Variants in MYO3B observed in about 807,000 individuals in gnomAD.
The protein encoded by MYO3B is myosin-IIIb.
Under a neutral mutation model 174.6 loss-of-function variants are expected in MYO3B, and 156 were observed. The observed-to-expected ratio is 0.89, with a 90% CI of 0.78 to 1.02. MYO3B has a LOEUF of 1.02. Ranked by LOEUF, MYO3B falls within the 50% of genes least tolerant of loss-of-function variation. The pLI is 0.00. For synonymous variants in MYO3B, 563 were observed against 569.1 expected (o/e 0.99, Z 0.15); for missense variants, 1,632 against 1,639.4 (o/e 1.00, Z 0.08).
intron 7 of MYO3B, among the ~76,000 whole-genome samples, chr2:170,248,541 G>GT (rs2093217054): frequency 6.6e-6 from 1 of 152,210 alleles, no homozygotes; most frequent in African/African-American, 2.4e-5. Flanking sequence ...TCACAGGGCT[G>GT]TGTTCCTTTC....
chr2:170,570,263 A>G (rs1692351513), intron 32 of MYO3B, among the ~76,000 whole-genome samples: 1 of 152,226 alleles, frequency 6.6e-6, no homozygotes, highest in Non-Finnish European at 1.5e-5. Context: ...TAAGTAAGGA[A>G]ATGATGTTTA....
intron 7 of MYO3B, among the ~76,000 whole-genome samples, chr2:170,255,187 C>T (rs925313514): frequency 2.3e-4 from 35 of 152,312 alleles, no homozygotes; most frequent in Non-Finnish European, 4.7e-4. Flanking sequence ...GTGACCTAAC[C>T]TTTGGCTTGA....
intron 5 of MYO3B, 97 bp downstream of exon 5, chr2:170,214,925 C>T: frequency 1.1e-6 from 1 of 917,186 alleles, no homozygotes; most frequent in East Asian, 2.5e-5. Flanking sequence ...CTCTGCTACA[C>T]CATAGGCTGA....
intron 25 of MYO3B, among the ~76,000 whole-genome samples, chr2:170,491,434 C>CT (rs940885611): frequency 2.5e-4 from 36 of 145,988 alleles, no homozygotes; most frequent in Non-Finnish European, 5.4e-4. Flanking sequence ...AATTAATTAA[C>CT]TTTTTTTTTA....
At chr2:170,202,672 C>T (rs139219564) in intron 3 of MYO3B, among the ~76,000 whole-genome samples, 60 of 152,314 alleles carry the variant, frequency 3.9e-4, no homozygotes, top group African/African-American at 1.3e-3. Flanking sequence ...TCACTGGGAT[C>T]GTAGCACTTC....
chr2:170,527,672 T>C (rs559015985), intron 30 of MYO3B, among the ~76,000 whole-genome samples: 39 of 152,340 alleles, frequency 2.6e-4, no homozygotes, highest in African/African-American at 9.4e-4. Context: ...AAACTGCCTC[T>C]GTTCTGGCCC....
At chr2:170,473,336 C>T (rs1216849662) in intron 25 of MYO3B, among the ~76,000 whole-genome samples, 5 of 151,558 alleles carry the variant, frequency 3.3e-5, no homozygotes, top group Admixed American at 6.6e-5. Context: ...TTAGTAGAGA[C>T]GGGGTTTCAC....
rs767259057 is a variant in MYO3B, at chr2:170,402,885, A to G, written c.2167A>G (p.Ile723Val). 1.1e-5 allele frequency: 18 copies of G among 1,611,928 alleles called. No homozygotes were observed. The highest frequency in any genetic ancestry group is 4.5e-5 in the East Asian group (2 of 44,876). ...TGGAATGAATGTGGGGATCTTGGAT[A>G]TCTTTGGATTCGAGAATTTTCAGAG... ...GGGMNVGILD[I>V]FGFENFQRNS... Residue 723 changes from isoleucine (I) to valine (V), a missense_variant, in exon 19 of 35, where the codon ATC becomes GTC. Ile to Val is a conservative substitution (Grantham distance 29). Coordinates refer to ENST00000408978, the MANE Select transcript of MYO3B (RefSeq NM_138995.5).
chr2:170,480,041 G>GTGTATATA (rs146738869), intron 25 of MYO3B, among the ~76,000 whole-genome samples: 1 of 146,346 alleles, frequency 6.8e-6, no homozygotes, highest in South Asian at 2.1e-4. Context: ...GTGTGTGTGT[G>GTGTATATA]TATATATATA....
chr2:170,545,181 C>T (rs1360080899), intron 32 of MYO3B, among the ~76,000 whole-genome samples: 1 of 152,224 alleles, frequency 6.6e-6, no homozygotes, highest in African/African-American at 2.4e-5. Flanking sequence ...AAAAACAAAA[C>T]TTTGAAGTAC....
At chr2:170,552,490 A>C (rs954100085) in intron 32 of MYO3B, among the ~76,000 whole-genome samples, 2 of 152,226 alleles carry the variant, frequency 1.3e-5, no homozygotes, top group Non-Finnish European at 2.9e-5. Flanking sequence ...GATATCTGGT[A>C]GAAGAAATTT....
rs16857912 is a variant in MYO3B at position 170,217,414 on chromosome 2, G to C, written c.603+19G>C. The stretch of plus-strand genomic sequence containing the variant: ...CCCTGAGGTAAGCTGGAAATACCTA[G>C]TTCTTTCTTTGCACTTGTTGAATGC... On this transcript the variant is annotated intron_variant, in intron 6 of 34. Coordinates refer to ENST00000408978, the MANE Select transcript of MYO3B (RefSeq NM_138995.5). 4.7e-3 allele frequency: 7,450 copies of C among 1,601,298 alleles called. 314 individuals are homozygous for C. The African/African-American group carries it at 0.087, about 19-fold the overall frequency.
chr2:170,601,610 T>A, intron 32 of MYO3B: 1 of 1,216,016 alleles, frequency 8.2e-7, no homozygotes, highest in Non-Finnish European at 1.2e-6. Context: ...TAGAACCAAC[T>A]TATTCATCAT....
intron 22 of MYO3B, among the ~76,000 whole-genome samples, chr2:170,443,370 C>T (rs1323616903): frequency 6.6e-6 from 1 of 152,070 alleles, no homozygotes; most frequent in African/African-American, 2.4e-5. Context: ...AATTTAAGTT[C>T]TTTATAGATT....
chr2:170,271,443 G>A (rs1265343825), intron 7 of MYO3B, among the ~76,000 whole-genome samples: 1 of 152,138 alleles, frequency 6.6e-6, no homozygotes, highest in Non-Finnish European at 1.5e-5. Flanking sequence ...CATGTCATCT[G>A]TCTAGAATAT....
At chr2:170,345,970 T>C (rs60742208) in intron 8 of MYO3B, among the ~76,000 whole-genome samples, 4,754 of 152,004 alleles carry the variant, frequency 0.031, 257 homozygotes, top group African/African-American at 0.11. Flanking sequence ...ATCTTGATCT[T>C]GGAAGTCTGT....
chr2:170,448,878 A>G (rs78438979), intron 23 of MYO3B, among the ~76,000 whole-genome samples: 4 of 152,334 alleles, frequency 2.6e-5, no homozygotes, highest in Non-Finnish European at 4.4e-5. Flanking sequence ...TACTTGCAAA[A>G]TAAATTTTAG....
intron 32 of MYO3B, among the ~76,000 whole-genome samples, chr2:170,639,387 G>A (rs757348459): frequency 2.0e-5 from 3 of 152,130 alleles, no homozygotes; most frequent in South Asian, 2.1e-4. Context: ...GGCCATTTTC[G>A]CCATAATTCC....
At chr2:170,519,770 T>C in intron 30 of MYO3B, 2 of 400,826 alleles carry the variant, frequency 5.0e-6, no homozygotes, top group Non-Finnish European at 9.3e-6. Context: ...GTCAGGAGTT[T>C]GAGACTAGCC....
Sources: allele counts gnomAD v4.1 joint callset (sites outside exome capture counted in the v4.1 genomes callset), GRCh38; gene constraint gnomAD v4.1.1; transcripts MANE v1.5; gene names NCBI Gene and HGNC (gene_info 2026-07-23, HGNC 2026-07-21).